CUBN: variants seen among roughly 807,000 people sequenced by gnomAD.
CUBN encodes cubilin, also known as 460 kDa receptor.
Under a neutral mutation model 405.3 loss-of-function variants are expected in CUBN, and 282 were observed. That is an observed-to-expected ratio of 0.70 (90% CI 0.63 to 0.77). The LOEUF is 0.77. Among genes scored for constraint, CUBN ranks in the 30% least tolerant of loss-of-function variants. CUBN has a pLI of 0.00. For synonymous variants in CUBN, 1,684 were observed against 1,617.0 expected, an observed-to-expected ratio of 1.04 and a Z score of -0.99; for missense variants, 4,514 against 4,475.2, an observed-to-expected ratio of 1.01 and a Z score of -0.25.
At chr10:17,111,090 C>G in intron 8 of CUBN, 40 bp from the exon 9 acceptor site, 1 of 1,608,962 alleles carries the variant, frequency 6.2e-7, no homozygotes, top group Non-Finnish European at 8.5e-7. Context: ...GCTCTATAGA[C>G]AAGTCAACAA....
rs543341140 is a variant in CUBN at position 16,921,921 on chromosome 10, C to T, written c.6647-1784G>A. Among the ~76,000 whole-genome samples, 16 of 152,292 alleles carry T rather than the reference C, an allele frequency of 1.1e-4. No homozygotes were observed. In the East Asian group the frequency reaches 2.3e-3, roughly 22 times the overall value. ...GGTAATTCAGAGATTTCAAACTGAA[C>T]TTGTCTCAAATGAACATTCTCATTT... is the stretch of plus-strand genomic sequence containing the variant. On this transcript the variant is annotated intron_variant, in intron 43 of 66. Transcript: ENST00000377833.
chr10:16,885,357 G>C (rs1840782016), intron 56 of CUBN, among the ~76,000 whole-genome samples: 1 of 152,160 alleles, frequency 6.6e-6, no homozygotes, highest in African/African-American at 2.4e-5. Context: ...CTTCAACTGA[G>C]TGAGGATTGG....
At chr10:16,976,418 C>T (rs1435123441) in intron 31 of CUBN, among the ~76,000 whole-genome samples, 1 of 152,004 alleles carries the variant, frequency 6.6e-6, no homozygotes, top group Non-Finnish European at 1.5e-5. Flanking sequence ...AGCATTTAGT[C>T]TCTACTTTCT....
chr10:16,869,559 G>GC (rs1840288321), intron 59 of CUBN, 77 bp downstream of exon 59: 1 of 916,458 alleles, frequency 1.1e-6, no homozygotes, highest in Non-Finnish European at 1.7e-6. Context: ...GGTGGGGGTG[G>GC]GGGGGGGGCG....
chr10:17,051,339 G>A (rs958900572), intron 22 of CUBN, among the ~76,000 whole-genome samples: 1 of 151,980 alleles, frequency 6.6e-6, no homozygotes, highest in Non-Finnish European at 1.5e-5. Context: ...CCAGCCTGGC[G>A]ACAGAGTGAG....
rs1213943248 is a variant in CUBN, at chr10:17,129,774, C to CA, written c.-10dup. The CA allele has an allele frequency of 6.2e-7, 1 of 1,613,652 alleles. No homozygotes were observed. The highest frequency in any genetic ancestry group is 8.5e-7 in the Non-Finnish European group (1 of 1,179,800). Reference sequence around the variant, plus strand: ...AAAGACATGTTCATCATCAACCTCCCAGGTTGGCAGGTAAGAGTGAGGCCA... The same window carrying CA: ...AAAGACATGTTCATCATCAACCTCCCAAGGTTGGCAGGTAAGAGTGAGGCCA... On this transcript the variant is annotated 5_prime_UTR_variant, in exon 1 of 67. Transcript: ENST00000377833.
chr10:17,026,938 A>T (rs182230561), intron 27 of CUBN, among the ~76,000 whole-genome samples: 2 of 152,338 alleles, frequency 1.3e-5, no homozygotes, highest in African/African-American at 4.8e-5. Context: ...TATCATCTAA[A>T]AGTAACAATT....
At chr10:16,941,661 C>G (rs1390702834) in intron 36 of CUBN, among the ~76,000 whole-genome samples, 1 of 150,198 alleles carries the variant, frequency 6.7e-6, no homozygotes, top group African/African-American at 2.5e-5. Flanking sequence ...CTGAGCAACA[C>G]AGTGAAACCC....
At chr10:17,105,335 CA>C in intron 11 of CUBN, 121 bp downstream of exon 11, 1 of 775,422 alleles carries the variant, frequency 1.3e-6, no homozygotes, top group South Asian at 1.4e-5. Context: ...GAGTTCTCGA[CA>C]GTTCCTTATC....
At chr10:17,039,003 C>A (rs1179340200) in intron 27 of CUBN, among the ~76,000 whole-genome samples, 1 of 152,114 alleles carries the variant, frequency 6.6e-6, no homozygotes, top group African/African-American at 2.4e-5. Context: ...TTTTAAACAC[C>A]TTTTTGTTGC....
At position 17,100,247 on chromosome 10, in the gene CUBN, T is replaced by C. The variant is rs776677485; in HGVS notation, c.1531-8A>G. 1.6e-5 allele frequency: 24 copies of C among 1,530,960 alleles called. No homozygotes were observed. Among genetic ancestry groups the C allele is most frequent in the Non-Finnish European group, 2.1e-5 (23 of 1,104,726 alleles). The allele number at this position is 1,530,960 out of a possible 1,614,324, so 94.8% of individuals were successfully genotyped here. A position where few individuals can be genotyped will look rare whatever the true frequency, so the allele number is the denominator to read the frequency against. On this transcript the variant is annotated splice_region_variant and splice_polypyrimidine_tract_variant and intron_variant, in intron 13 of 66. Transcript: ENST00000377833. ...GAAAGTGATACGCAGGACCTAAAAA[T>C]ACAAAGGCCACATATATTATCTTTT...
At chr10:17,114,807 G>A (rs957624585) in intron 7 of CUBN, among the ~76,000 whole-genome samples, 7 of 152,126 alleles carry the variant, frequency 4.6e-5, no homozygotes, top group South Asian at 2.1e-4. Flanking sequence ...GACCCAGGCC[G>A]GGAAAAGTCA....
At chr10:17,102,739 T>C (rs1836527768) in intron 13 of CUBN, among the ~76,000 whole-genome samples, 1 of 151,506 alleles carries the variant, frequency 6.6e-6, no homozygotes, top group Admixed American at 6.6e-5. Context: ...CCCGAGTAGC[T>C]GGGATTACAG....
At chr10:16,943,609 T>C (rs572067261) in intron 36 of CUBN, among the ~76,000 whole-genome samples, 23 of 152,330 alleles carry the variant, frequency 1.5e-4, no homozygotes, top group Non-Finnish European at 2.8e-4. Context: ...GGGAGATCAT[T>C]TTCCTCAGAA....
At chr10:16,893,730 G>A (rs531875882) in intron 54 of CUBN, among the ~76,000 whole-genome samples, 3 of 152,054 alleles carry the variant, frequency 2.0e-5, no homozygotes, top group Non-Finnish European at 2.9e-5. Flanking sequence ...TACATTCCAC[G>A]GTAAGCAAGT....
intron 37 of CUBN, among the ~76,000 whole-genome samples, chr10:16,939,739 AAT>A (rs1842604398): frequency 6.6e-6 from 1 of 152,124 alleles, no homozygotes; most frequent in Non-Finnish European, 1.5e-5. Context: ...CCCAAACTAT[AAT>A]ATATTACCAG....
At chr10:16,964,385 C>T (rs906987071) in intron 31 of CUBN, among the ~76,000 whole-genome samples, 2 of 151,756 alleles carry the variant, frequency 1.3e-5, no homozygotes, top group Non-Finnish European at 2.9e-5. Context: ...AAGAAAATTT[C>T]AAATAATATG....
intron 3 of CUBN, among the ~76,000 whole-genome samples, chr10:17,127,212 T>TC (rs1564525938): frequency 9.1e-6 from 1 of 109,628 alleles, no homozygotes; most frequent in African/African-American, 3.6e-5. Context: ...CTGTCTTTCT[T>TC]TCTCTCTCTC....
intron 59 of CUBN, among the ~76,000 whole-genome samples, chr10:16,866,584 C>T (rs1840190271): frequency 6.6e-6 from 1 of 152,214 alleles, no homozygotes; most frequent in Admixed American, 6.5e-5. Flanking sequence ...AAGCCATTGA[C>T]AATCTGATGC....
Sources: gnomAD v4.1 joint callset for allele counts (sites outside exome capture counted in the v4.1 genomes callset) on GRCh38, gnomAD v4.1.1 for gene constraint, MANE v1.5 for transcripts, NCBI Gene and HGNC (gene_info 2026-07-23, HGNC 2026-07-21) for gene names.